The following RGS22 variants were observed in gnomAD, a reference collection of about 807,000 sequenced individuals.
The protein encoded by RGS22 is regulator of G-protein signaling 22.
RGS22 carries 148 observed loss-of-function variants against 172.9 expected under a neutral mutation model. That is an observed-to-expected ratio of 0.86 (90% CI 0.75 to 0.98). The LOEUF (loss-of-function observed/expected upper bound fraction) is 0.98. Ranked by LOEUF, RGS22 falls within the 50% of genes least tolerant of loss-of-function variation. The pLI is 0.00. For synonymous variants in RGS22, 458 were observed against 480.2 expected (o/e 0.95, Z 0.60); for missense variants, 1,347 against 1,440.8 (o/e 0.93, Z 1.05).
intron 7 of RGS22, among the ~76,000 whole-genome samples, chr8:100,064,382 G>C (rs778546047): frequency 6.6e-6 from 1 of 152,094 alleles, no homozygotes; most frequent in Non-Finnish European, 1.5e-5. Context: ...AGAATCGCTT[G>C]AACCCAGGAG....
chr8:99,985,243 C>T (rs1159984089), intron 21 of RGS22, among the ~76,000 whole-genome samples: 1 of 152,194 alleles, frequency 6.6e-6, no homozygotes, highest in Non-Finnish European at 1.5e-5. Context: ...ACATCCTTGA[C>T]CTCATGGGAT....
chr8:100,043,428 C>G (rs887089533), intron 11 of RGS22, among the ~76,000 whole-genome samples: 1 of 152,178 alleles, frequency 6.6e-6, no homozygotes, highest in Non-Finnish European at 1.5e-5. Flanking sequence ...CAAGTCTTCA[C>G]ATTAAAAATA....
At chr8:100,093,222 T>C in intron 3 of RGS22, 1 of 428,604 alleles carries the variant, frequency 2.3e-6, no homozygotes, top group Non-Finnish European at 4.2e-6. Context: ...TACAGAATGC[T>C]TTTTAATGGT....
intron 20 of RGS22, among the ~76,000 whole-genome samples, chr8:99,993,399 T>G: frequency 6.6e-6 from 1 of 150,484 alleles, no homozygotes; most frequent in East Asian, 2.0e-4. Flanking sequence ...GAGAGAAGAG[T>G]CAAATAGATG....
At chr8:100,090,128 T>A (rs1029527898) in intron 3 of RGS22, among the ~76,000 whole-genome samples, 13 of 152,162 alleles carry the variant, frequency 8.5e-5, no homozygotes, top group Admixed American at 5.9e-4. Context: ...AAAAGAAAAG[T>A]GAAGCACTAA....
At chr8:100,023,128 T>C (rs1817799239) in intron 14 of RGS22, among the ~76,000 whole-genome samples, 1 of 152,076 alleles carries the variant, frequency 6.6e-6, no homozygotes, top group African/African-American at 2.4e-5. Flanking sequence ...GAAACCAGAG[T>C]ATCAAGTGAT....
intron 14 of RGS22, among the ~76,000 whole-genome samples, chr8:100,028,081 T>A (rs1281139724): frequency 2.0e-5 from 3 of 151,714 alleles, no homozygotes; most frequent in Non-Finnish European, 4.4e-5. Flanking sequence ...ATGTGGGGGG[T>A]CTTAGTGTCA....
At chr8:100,000,375 TAAAAAC>T (rs1814907744) in intron 18 of RGS22, among the ~76,000 whole-genome samples, 1 of 150,872 alleles carries the variant, frequency 6.6e-6, no homozygotes, top group Non-Finnish European at 1.5e-5. Context: ...TTTTTCTGTA[TAAAAAC>T]AAAAAAGAAA....
chr8:100,101,511 T>C (rs1332657969), intron 2 of RGS22, among the ~76,000 whole-genome samples: 1 of 149,192 alleles, frequency 6.7e-6, no homozygotes, highest in Non-Finnish European at 1.5e-5. Flanking sequence ...ACCAGGATGG[T>C]CTCGATCTCC....
intron 16 of RGS22, among the ~76,000 whole-genome samples, chr8:100,005,625 C>T (rs531498763): frequency 5.1e-4 from 78 of 152,254 alleles, no homozygotes; most frequent in African/African-American, 8.7e-4. Context: ...ATCGCTGTCA[C>T]GCAACAGTTT....
intron 5 of RGS22, 114 bp from the exon 6 acceptor site, chr8:100,071,651 T>A (rs1810989870): frequency 1.5e-6 from 1 of 658,382 alleles, no homozygotes; most frequent in Admixed American, 3.5e-5. Context: ...CTCTTGATGA[T>A]GATTTTCTTT....
intron 10 of RGS22, among the ~76,000 whole-genome samples, chr8:100,052,192 TATAA>T (rs1821706678): frequency 2.3e-5 from 3 of 132,258 alleles, no homozygotes; most frequent in South Asian, 4.3e-4. Context: ...TATAAACATA[TATAA>T]ATATATAAAC....
chr8:100,020,714 T>A (rs985280433), intron 14 of RGS22, among the ~76,000 whole-genome samples: 11 of 152,102 alleles, frequency 7.2e-5, no homozygotes, highest in African/African-American at 2.4e-5. Flanking sequence ...AAAAATTAAA[T>A]CACATAAACT....
intron 15 of RGS22, among the ~76,000 whole-genome samples, chr8:100,007,494 G>A (rs1027682509): frequency 2.6e-5 from 4 of 152,062 alleles, no homozygotes; most frequent in African/African-American, 9.7e-5. Flanking sequence ...ACATCTGGGG[G>A]TACTTTAAAA....
At chr8:99,976,583 G>C (rs1406374257) in intron 23 of RGS22, among the ~76,000 whole-genome samples, 1 of 152,062 alleles carries the variant, frequency 6.6e-6, no homozygotes, top group African/African-American at 2.4e-5. Context: ...GGATGGTCTC[G>C]ATTTCCTGAC....
intron 4 of RGS22, among the ~76,000 whole-genome samples, chr8:100,075,486 C>G (rs1433359763): frequency 1.3e-5 from 2 of 152,146 alleles, no homozygotes; most frequent in Non-Finnish European, 2.9e-5. Context: ...GAACCATAAG[C>G]CAAATAAACC....
intron 20 of RGS22, 119 bp downstream of exon 20, chr8:99,996,343 T>C (rs923877409): frequency 1.3e-5 from 10 of 756,704 alleles, no homozygotes; most frequent in South Asian, 3.3e-5. Context: ...CAGTGCTCAG[T>C]TGTCAGTTTA....
rs558759112 is a variant in RGS22, at chr8:100,047,717, G to C, written c.1690-121C>G. 1.0e-3 allele frequency: 822 copies of C among 820,854 alleles called. 12 individuals are homozygous for C. The highest frequency in any genetic ancestry group is 1.3e-4 in the Non-Finnish European group (74 of 588,712). 50.8% of individuals were successfully genotyped at this position (820,854 alleles called of 1,614,324 possible). A position where few individuals can be genotyped will look rare whatever the true frequency, so the allele number is the denominator to read the frequency against. On this transcript the variant is annotated intron_variant, in intron 10 of 27. Coordinates refer to ENST00000360863, the MANE Select transcript of RGS22 (RefSeq NM_015668.5). The stretch of plus-strand genomic sequence containing the variant: ...TTTCTTTCCCTTTGCCTCCTACAAT[G>C]CTTCCCAATAAAATAGAAATTTTTT...
chr8:100,075,252 C>G lies in RGS22; in HGVS notation c.340-3022G>C, dbSNP rs369837918. On this transcript the variant is annotated intron_variant, in intron 4 of 27. Transcript: ENST00000360863. ...GTCTTGGTCATGGGAGCGAATCCCTCATGAATGTCTTGGTGTCCTCCTCAT... is the reference window on the plus strand; with the variant it reads ...GTCTTGGTCATGGGAGCGAATCCCTGATGAATGTCTTGGTGTCCTCCTCAT... Among the ~76,000 whole-genome samples, 5 of 152,134 alleles carry G rather than the reference C, an allele frequency of 3.3e-5. No individual in the cohort carries two copies. The East Asian group carries it at 7.7e-4, about 23-fold the overall frequency.
Sources: gnomAD v4.1 joint callset for allele counts (sites outside exome capture counted in the v4.1 genomes callset) on GRCh38, gnomAD v4.1.1 for gene constraint, MANE v1.5 for transcripts, NCBI Gene and HGNC (gene_info 2026-07-23, HGNC 2026-07-21) for gene names.